The following SHROOM4 variants were observed in gnomAD, a reference collection of about 807,000 sequenced individuals.
SHROOM4 encodes the protein protein Shroom4.
A neutral mutation model predicts 80.3 loss-of-function variants in SHROOM4; 17 were observed. The ratio of observed to expected loss-of-function variants is 0.21; its 90% CI spans 0.14 to 0.32. SHROOM4 has a LOEUF of 0.32. Among genes scored for constraint, SHROOM4 ranks in the 10% least tolerant of loss-of-function variants. The pLI, the probability that SHROOM4 is intolerant of heterozygous loss-of-function variation, is 1.00. For missense variants in SHROOM4, 993 were observed against 1,140.3 expected (o/e 0.87, Z 1.86); for synonymous variants, 400 against 437.5 (o/e 0.91, Z 1.07).
rs140248386 is a variant in SHROOM4 at position 50,765,029 on chromosome X, T to C, written c.117+48873A>G. Among the ~76,000 whole-genome samples, 216 of 111,545 alleles carry C rather than the reference T, an allele frequency of 1.9e-3. 1 individual carries two copies. Among genetic ancestry groups the C allele is most frequent in the African/African-American group, 6.8e-3 (209 of 30,658 alleles). ...AACCATCAGATCCTCATGAGACTTA[T>C]TCACTGTCACGAGAACAGCACAGGA... On this transcript the variant is annotated intron_variant, in intron 1 of 8. Transcript: ENST00000376020.
chrX:50,787,748 A>G (rs186586037), intron 1 of SHROOM4, among the ~76,000 whole-genome samples: 185 of 90,953 alleles, frequency 2.0e-3, no homozygotes, highest in Middle Eastern at 0.011. Context: ...AGACCAGAAG[A>G]TGATATATTC....
chrX:50,802,905 C>G (rs1428084763), intron 1 of SHROOM4, among the ~76,000 whole-genome samples: 1 of 112,491 alleles, frequency 8.9e-6, no homozygotes, highest in African/African-American at 3.2e-5. Context: ...TCCACTGACT[C>G]ACTTATGTAG....
chrX:50,726,020 G>A (rs1189678641), intron 1 of SHROOM4, among the ~76,000 whole-genome samples: 1 of 111,926 alleles, frequency 8.9e-6, no homozygotes, highest in South Asian at 3.8e-4. Flanking sequence ...TGAAGTCCAC[G>A]CTGCGGTGGT....
At chrX:50,675,939 A>G (rs1159144068) in intron 2 of SHROOM4, among the ~76,000 whole-genome samples, 2 of 111,712 alleles carry the variant, frequency 1.8e-5, no homozygotes, top group African/African-American at 6.5e-5. Context: ...CTTCTCTTCT[A>G]TCTCCACATA....
chrX:50,806,974 G>A (rs924022768), intron 1 of SHROOM4, among the ~76,000 whole-genome samples: 1 of 112,405 alleles, frequency 8.9e-6, no homozygotes, highest in Non-Finnish European at 1.9e-5. Context: ...CATTATAAAT[G>A]ATGGTTAGGT....
chrX:50,596,351 G>A lies in SHROOM4; in HGVS notation c.*344C>T. On this transcript the variant is annotated 3_prime_UTR_variant, in exon 9 of 9. Transcript: ENST00000376020. Reference sequence around the variant, plus strand: ...TAGAGGCTGTTGATGATATGGGTGGGTGATGAGTACTTGATGTCTTTGGTG... The same window carrying A: ...TAGAGGCTGTTGATGATATGGGTGGATGATGAGTACTTGATGTCTTTGGTG... 2.6e-6 allele frequency: 1 copy of A among 390,405 alleles called. No homozygotes were observed. The highest frequency in any genetic ancestry group is 4.8e-6 in the Non-Finnish European group (1 of 209,039). 32.2% of individuals were successfully genotyped at this position (390,405 alleles called of 1,213,427 possible).
At chrX:50,691,043 A>T (rs1216949082) in intron 2 of SHROOM4, among the ~76,000 whole-genome samples, 1 of 112,752 alleles carries the variant, frequency 8.9e-6, no homozygotes, top group Non-Finnish European at 1.9e-5. Flanking sequence ...ATTTGAAGAG[A>T]CAATATGCAG....
At chrX:50,598,170 T>G in intron 8 of SHROOM4, 96 bp downstream of exon 8, 1 of 1,103,628 alleles carries the variant, frequency 9.1e-7, no homozygotes, top group Non-Finnish European at 1.2e-6. Context: ...TCCCATGCTC[T>G]ACTGTTTCCT....
Position 50,762,812 on chromosome X carries a change from G to C in SHROOM4, c.117+51090C>G, listed in dbSNP as rs1057285754. ...ATTATGAGTCATTTATTTTCTTGCTGCTCTTATGACTTTTCCTTTTGTCTT... is the reference window on the plus strand; with the variant it reads ...ATTATGAGTCATTTATTTTCTTGCTCCTCTTATGACTTTTCCTTTTGTCTT... On this transcript the variant is annotated intron_variant, in intron 1 of 8. Transcript: ENST00000376020. Among the ~76,000 whole-genome samples the C allele has an allele frequency of 5.4e-5, 6 of 111,360 alleles. No individual in the cohort carries two copies. In the East Asian group the frequency reaches 1.7e-3, roughly 31 times the overall value.
chrX:50,616,923 G>T (rs1257754430), intron 5 of SHROOM4, among the ~76,000 whole-genome samples: 1 of 111,548 alleles, frequency 9.0e-6, no homozygotes, highest in Non-Finnish European at 1.9e-5. Context: ...CCTCTCTCCC[G>T]ACCTTCACCT....
In SHROOM4 at chrX:50,724,083, C is replaced by T. The variant is rs148059321; in HGVS notation, c.118-28146G>A. Reference sequence around the variant, plus strand: ...TTGGTGATGGATGATGCACCCCTTACGATCCCATTAAAACCTAATCACCCT... The same window carrying T: ...TTGGTGATGGATGATGCACCCCTTATGATCCCATTAAAACCTAATCACCCT... On this transcript the variant is annotated intron_variant, in intron 1 of 8. Coordinates refer to ENST00000376020, the MANE Select transcript of SHROOM4 (RefSeq NM_020717.5). Among the ~76,000 whole-genome samples the T allele has an allele frequency of 4.3e-3, 470 of 110,221 alleles. 3 individuals carry two copies. Among genetic ancestry groups the T allele is most frequent in the African/African-American group, 0.014 (439 of 30,334 alleles).
chrX:50,697,406 A>G (rs1933400180), intron 1 of SHROOM4, among the ~76,000 whole-genome samples: 1 of 111,420 alleles, frequency 9.0e-6, no homozygotes, highest in Non-Finnish European at 1.9e-5. Context: ...CACACCATGG[A>G]AGTTATAATA....
chrX:50,750,303 A>T (rs782652792), intron 1 of SHROOM4, among the ~76,000 whole-genome samples: 1 of 112,036 alleles, frequency 8.9e-6, no homozygotes, highest in Non-Finnish European at 1.9e-5. Context: ...TCTGTTGCCC[A>T]GGCTGGAGTG....
intron 1 of SHROOM4, among the ~76,000 whole-genome samples, chrX:50,716,852 C>T (rs1233424604): frequency 8.9e-6 from 1 of 112,637 alleles, no homozygotes; most frequent in Non-Finnish European, 1.9e-5. Context: ...TTGATACCCG[C>T]TGACAGTCAT....
intron 2 of SHROOM4, among the ~76,000 whole-genome samples, chrX:50,648,941 T>G (rs1420374467): frequency 8.9e-6 from 1 of 111,781 alleles, no homozygotes; most frequent in Non-Finnish European, 1.9e-5. Flanking sequence ...AAAGTTATTA[T>G]GGTAGCCATG....
intron 1 of SHROOM4, among the ~76,000 whole-genome samples, chrX:50,736,356 T>C (rs1181119415): frequency 1.8e-5 from 2 of 110,986 alleles, no homozygotes; most frequent in Admixed American, 1.9e-4. Flanking sequence ...ACCCATCACC[T>C]AGGTATTAAG....
chrX:50,752,504 ATC>A (rs1434686526), intron 1 of SHROOM4, among the ~76,000 whole-genome samples: 2 of 111,017 alleles, frequency 1.8e-5, no homozygotes, highest in Non-Finnish European at 3.8e-5. Flanking sequence ...CTACTCTACC[ATC>A]TCTCTTTTCC....
At chrX:50,614,949 A>C (rs1304795343) in intron 5 of SHROOM4, among the ~76,000 whole-genome samples, 2 of 112,348 alleles carry the variant, frequency 1.8e-5, no homozygotes, top group African/African-American at 6.5e-5. Flanking sequence ...AGGATGTACA[A>C]TAGAAAAGAT....
chrX:50,806,625 G>A (rs1936232931), intron 1 of SHROOM4, among the ~76,000 whole-genome samples: 1 of 112,260 alleles, frequency 8.9e-6, no homozygotes, highest in Non-Finnish European at 1.9e-5. Context: ...GGGAGCACCA[G>A]GAGACAAAAT....
Sources: allele counts gnomAD v4.1 joint callset (sites outside exome capture counted in the v4.1 genomes callset), GRCh38; gene constraint gnomAD v4.1.1; transcripts MANE v1.5; gene names NCBI Gene and HGNC (gene_info 2026-07-23, HGNC 2026-07-21).